CLN8: variants seen among roughly 807,000 people sequenced by gnomAD.
The protein encoded by CLN8 is CLN8 transmembrane ER and ERGIC protein.
CLN8 carries 14 observed loss-of-function variants against 15.7 expected under a neutral mutation model. The observed-to-expected ratio is 0.89, with a 90% CI of 0.59 to 1.39. The LOEUF (loss-of-function observed/expected upper bound fraction) is 1.39. CLN8 is among the 40% of genes most tolerant of loss of function. The probability of loss-of-function intolerance (pLI) is 0.00; values close to 1 mark genes in which losing one functional copy is unlikely to be tolerated. For missense variants in CLN8, 415 were observed against 364.0 expected, an observed-to-expected ratio of 1.14 and a Z score of -1.14; for synonymous variants, 188 against 151.0, an observed-to-expected ratio of 1.25 and a Z score of -1.80.
chr8:1,778,491 T>G (rs1024591152), intron 2 of CLN8, among the ~76,000 whole-genome samples: 5 of 152,240 alleles, frequency 3.3e-5, no homozygotes, highest in African/African-American at 1.2e-4. Flanking sequence ...TCTGCTCTTC[T>G]TCCTGAGTGT....
Position 1,786,501 on chromosome 8 carries a change from T to C in CLN8, c.*5934T>C, listed in dbSNP as rs1237109197. On this transcript the variant is annotated 3_prime_UTR_variant, in exon 3 of 3. Coordinates refer to ENST00000331222, the MANE Select transcript of CLN8 (RefSeq NM_018941.4). ...AATGTACTTCACTCTTAGTAAAATG[T>C]ATTTACTATTTTAGTAACAAAAATA... 1 of 152,218 alleles carries C rather than the reference T, an allele frequency of 6.6e-6. No homozygotes were observed. The highest frequency in any genetic ancestry group is 1.9e-4 in the East Asian group (1 of 5,196). 9.4% of individuals were successfully genotyped at this position (152,218 alleles called of 1,614,324 possible).
chr8:1,782,181 G>C lies in CLN8; in HGVS notation c.*1614G>C, dbSNP rs1801727189. 6.6e-6 allele frequency: 1 copy of C among 152,134 alleles called. No homozygotes were observed. Among genetic ancestry groups the C allele is most frequent in the Admixed American group, 6.6e-5 (1 of 15,264 alleles). 9.4% of individuals were successfully genotyped at this position (152,134 alleles called of 1,614,324 possible). A position where few individuals can be genotyped will look rare whatever the true frequency, so the allele number is the denominator to read the frequency against. On this transcript the variant is annotated 3_prime_UTR_variant, in exon 3 of 3. Coordinates refer to ENST00000331222, the MANE Select transcript of CLN8 (RefSeq NM_018941.4). The stretch of plus-strand genomic sequence containing the variant: ...TTTTTTTGAGACGGAGCCTGGCTTT[G>C]GCTCCCAGGCTGGAGTCCAGTGGTG...
At chr8:1,771,638 C>T (rs1801311952) in intron 2 of CLN8, 41 bp downstream of exon 2, 1 of 1,565,870 alleles carries the variant, frequency 6.4e-7, no homozygotes, top group Non-Finnish European at 8.7e-7. Context: ...GTGCCTCACG[C>T]ATTTAATCAC....
At chr8:1,755,652 C>A (rs1268249004), upstream of CLN8, 4 of 152,302 alleles carry the variant, frequency 2.6e-5, no homozygotes, top group Non-Finnish European at 5.9e-5. Context: ...CACAACCTGG[C>A]CCAGCCTCTC....
upstream of CLN8, chr8:1,762,799 G>C (rs949627745): frequency 7.9e-5 from 12 of 152,246 alleles, no homozygotes; most frequent in African/African-American, 2.7e-4. Flanking sequence ...ATTAGCCCCC[G>C]AGGCCTCCCT....
intron 2 of CLN8, among the ~76,000 whole-genome samples, chr8:1,779,469 T>A (rs1801636597): frequency 1.3e-5 from 2 of 152,218 alleles, no homozygotes; most frequent in African/African-American, 4.8e-5. Flanking sequence ...GGTCTCAAAC[T>A]TCTGACTTCA....
At chr8:1,775,917 G>A (rs1307531584) in intron 2 of CLN8, among the ~76,000 whole-genome samples, 1 of 152,252 alleles carries the variant, frequency 6.6e-6, no homozygotes, top group Admixed American at 6.5e-5. Context: ...TCAGTCTTCC[G>A]TAAGTGGGAA....
rs1311536555 is a variant in CLN8, at chr8:1,771,227, C to A, written c.173C>A (p.Ala58Asp). 1 of 1,613,802 alleles carries A rather than the reference C, an allele frequency of 6.2e-7. No individual in the cohort carries two copies. Among genetic ancestry groups the A allele is most frequent in the East Asian group, 2.2e-5 (1 of 44,860 alleles). Residue 58 changes from alanine to aspartate, a missense_variant, in exon 2 of 3, where the codon GCC becomes GAC. By Grantham distance (126) the Ala-to-Asp change is moderately radical. Transcript: ENST00000331222. ...AATGCCACTTACCGTTCTTTGGTGGCCAGAGAGAAGGTCTTCTGGGACCTG... is the reference window on the plus strand; with the variant it reads ...AATGCCACTTACCGTTCTTTGGTGGACAGAGAGAAGGTCTTCTGGGACCTG... ...SLNATYRSLV[A>D]REKVFWDLAA...
intron 2 of CLN8, among the ~76,000 whole-genome samples, chr8:1,777,289 G>C (rs1801558478): frequency 6.6e-6 from 1 of 152,206 alleles, no homozygotes; most frequent in Admixed American, 6.5e-5. Flanking sequence ...CACCTGTGCA[G>C]GGCGTTCACT....
At chr8:1,753,472 G>C (rs1800598347), upstream of CLN8, among the ~76,000 whole-genome samples, 2 of 151,582 alleles carry the variant, frequency 1.3e-5, no homozygotes, top group South Asian at 2.1e-4. Flanking sequence ...TCGGGAGGCT[G>C]AGGCAGGAGA....
At chr8:1,767,413 C>G (rs1391270097) in intron 1 of CLN8, among the ~76,000 whole-genome samples, 1 of 152,126 alleles carries the variant, frequency 6.6e-6, no homozygotes, top group African/African-American at 2.4e-5. Flanking sequence ...CTATCTGCCA[C>G]TTTTCTGTAG....
chr8:1,768,011 C>T (rs983662066), intron 1 of CLN8, among the ~76,000 whole-genome samples: 6 of 149,826 alleles, frequency 4.0e-5, no homozygotes, highest in Admixed American at 6.7e-5. Flanking sequence ...TGTGTGATCT[C>T]GGCTCACTGC....
At chr8:1,778,683 C>T (rs186371610) in intron 2 of CLN8, among the ~76,000 whole-genome samples, 1 of 152,312 alleles carries the variant, frequency 6.6e-6, no homozygotes, top group African/African-American at 2.4e-5. Context: ...ATGAGGGTGC[C>T]GTGATGCACA....
At chr8:1,753,708 A>T (rs1483665307), upstream of CLN8, among the ~76,000 whole-genome samples, 1 of 151,460 alleles carries the variant, frequency 6.6e-6, no homozygotes, top group Non-Finnish European at 1.5e-5. Context: ...ACATGGTGAA[A>T]CCCCGTCTCT....
rs1156569423 is a variant in CLN8, at chr8:1,767,565, C to CTTTTTTT, written c.-123-3349_-123-3343dup. Among the ~76,000 whole-genome samples the CTTTTTTT allele has an allele frequency of 4.1e-3, 333 of 81,296 alleles. 7 individuals are homozygous for CTTTTTTT. The highest frequency in any genetic ancestry group is 6.0e-3 in the East Asian group (14 of 2,342). 53.3% of individuals were successfully genotyped at this position (81,296 alleles called of 152,430 possible). ...TTCCCGCTGCTCTGTATGTTTCTTT[C>CTTTTTTT]TTTTTTTTTTTTTTTTTTTTTTTTG... On this transcript the variant is annotated intron_variant, in intron 1 of 2. Transcript: ENST00000331222.
At chr8:1,755,615 G>T (rs1800651839), upstream of CLN8, among the ~76,000 whole-genome samples, 1 of 152,194 alleles carries the variant, frequency 6.6e-6, no homozygotes. Context: ...CAACCGGTCT[G>T]CCCAGAGGGC....
At position 1,771,604 on chromosome 8, in the gene CLN8, G is replaced by A. The variant is rs779967066; in HGVS notation, c.543+7G>A. The A allele has an allele frequency of 2.5e-6, 4 of 1,612,204 alleles. No individual in the cohort carries two copies. The Middle Eastern group carries it at 4.9e-4, about 199-fold the overall frequency. The stretch of plus-strand genomic sequence containing the variant: ...TTCCTGGATGCTCTTAAAGGTAAGT[G>A]CATGCATCAGCAGAAGATGACATGT... On this transcript the variant is annotated splice_region_variant and intron_variant, in intron 2 of 2. Coordinates refer to ENST00000331222, the MANE Select transcript of CLN8 (RefSeq NM_018941.4).
chr8:1,780,261 C>T lies in CLN8; in HGVS notation c.555C>T (p.Ser185=), dbSNP rs145929862. The T allele has an allele frequency of 5.0e-6, 8 of 1,614,096 alleles. No individual in the cohort carries two copies. The Admixed American group carries it at 5.0e-5, about 10-fold the overall frequency. Residue 185 remains serine (S), a synonymous_variant, in exon 3 of 3, where the codon TCC becomes TCT. Coordinates refer to ENST00000331222, the MANE Select transcript of CLN8 (RefSeq NM_018941.4). ...TTCTCTCCATGCAGGCGGGCTGGTC[C>T]GAGTCTCTGTTTTGGAAGCTCAACC... is the stretch of plus-strand genomic sequence containing the variant. ...VSWMLLKAGW[S]ESLFWKLNQW...
chr8:1,764,219 C>T (rs983142240), intron 1 of CLN8: 1 of 152,296 alleles, frequency 6.6e-6, no homozygotes, highest in Admixed American at 6.5e-5. Flanking sequence ...CGTGCGGTTC[C>T]CGGACAGCAG....
Sources: allele counts gnomAD v4.1 joint callset (sites outside exome capture counted in the v4.1 genomes callset), GRCh38; gene constraint gnomAD v4.1.1; transcripts MANE v1.5; gene names NCBI Gene and HGNC (gene_info 2026-07-23, HGNC 2026-07-21).